Variants in EML4 observed in about 807,000 individuals in gnomAD.
EML4 encodes echinoderm microtubule-associated protein-like 4.
EML4 carries 72 observed loss-of-function variants against 129.0 expected under a neutral mutation model. That is an observed-to-expected ratio of 0.56 (90% CI 0.46 to 0.68). The LOEUF is 0.68. EML4 is among the 30% of genes least tolerant of loss of function. The pLI, the probability that EML4 is intolerant of heterozygous loss-of-function variation, is 0.00. For missense variants in EML4, 1,363 were observed against 1,190.6 expected, an observed-to-expected ratio of 1.14 and a Z score of -2.13; for synonymous variants, 532 against 405.0, an observed-to-expected ratio of 1.31 and a Z score of -3.77.
intron 10 of EML4, among the ~76,000 whole-genome samples, chr2:42,286,726 T>A (rs1667329587): frequency 6.6e-6 from 1 of 152,234 alleles, no homozygotes; most frequent in African/African-American, 2.4e-5. Context: ...TTACCTTGAA[T>A]CATAGAAAAG....
intron 17 of EML4, among the ~76,000 whole-genome samples, chr2:42,309,343 A>G (rs547961496): frequency 6.6e-6 from 1 of 151,606 alleles, no homozygotes; most frequent in Admixed American, 6.6e-5. Context: ...TGGGATGTCA[A>G]GGCTATCATA....
chr2:42,283,435 A>G (rs1667124861), intron 8 of EML4, among the ~76,000 whole-genome samples: 1 of 151,998 alleles, frequency 6.6e-6, no homozygotes, highest in African/African-American at 2.4e-5. Context: ...TCATACTACA[A>G]ATGTGAGAAC....
intron 1 of EML4, among the ~76,000 whole-genome samples, chr2:42,198,254 A>G (rs1179376502): frequency 6.6e-6 from 1 of 152,166 alleles, no homozygotes; most frequent in Non-Finnish European, 1.5e-5. Context: ...ATGTGAATAT[A>G]TATTTATCCT....
intron 1 of EML4, among the ~76,000 whole-genome samples, chr2:42,230,715 T>G (rs896143059): frequency 6.6e-6 from 1 of 152,226 alleles, no homozygotes; most frequent in Non-Finnish European, 1.5e-5. Context: ...CAGCTCAAGC[T>G]CTTTAACCAG....
intron 6 of EML4, among the ~76,000 whole-genome samples, chr2:42,270,348 C>T (rs1469551346): frequency 1.3e-5 from 2 of 152,092 alleles, no homozygotes; most frequent in African/African-American, 4.8e-5. Flanking sequence ...TGCTTGAGCT[C>T]AGGAGTTCAA....
intron 17 of EML4, among the ~76,000 whole-genome samples, chr2:42,315,260 T>C (rs1159435348): frequency 1.3e-5 from 2 of 152,186 alleles, no homozygotes; most frequent in African/African-American, 4.8e-5. Flanking sequence ...TTCCTATGAG[T>C]TCCTCTGTTA....
chr2:42,305,814 TTCTA>T (rs1668566640), intron 17 of EML4, among the ~76,000 whole-genome samples: 2 of 152,334 alleles, frequency 1.3e-5, no homozygotes, highest in South Asian at 4.1e-4. Flanking sequence ...ATATTTTTGT[TTCTA>T]TATAAGACTT....
In EML4 at chr2:42,282,842, G is replaced by C; in HGVS notation, c.811G>C (p.Asp271His). Residue 271 changes from aspartate to histidine, a missense_variant, in exon 8 of 23, where the codon GAC becomes CAC. By Grantham distance (81) the Asp-to-His change is moderately conservative. Coordinates refer to ENST00000318522, the MANE Select transcript of EML4 (RefSeq NM_019063.5). ...GTTAAGATATGGTTATCGAGGAAAG[G>C]ACTGTAGAGCTAATGTTTACCTTCT... ...LEWAYGYRGK[D>H]CRANVYLLPT... 1 of 1,613,112 alleles carries C rather than the reference G, an allele frequency of 6.2e-7. No individual in the cohort carries two copies. The highest frequency in any genetic ancestry group is 8.5e-7 in the Non-Finnish European group (1 of 1,179,350).
chr2:42,325,500 TC>T lies in EML4; in HGVS notation c.2192del (p.Pro731GlnfsTer6). 6.3e-7 allele frequency: 1 copy of T among 1,584,032 alleles called. No homozygotes were observed. Among genetic ancestry groups the T allele is most frequent in the Non-Finnish European group, 8.6e-7 (1 of 1,158,662 alleles). Reference sequence around the variant, plus strand: ...CAGCTACATCACACACCTTGACTGGTCCCCAGACAACAAGTATATAATGTCT... The same window carrying T: ...CAGCTACATCACACACCTTGACTGGTCCCAGACAACAAGTATATAATGTCT... ...HSSYITHLDW[S>X]PDNKYIMSNS... On this transcript the variant is annotated frameshift_variant, in exon 20 of 23. Transcript: ENST00000318522. LOFTEE classifies it high-confidence loss of function.
chr2:42,198,215 AT>A (rs959164498), intron 1 of EML4, among the ~76,000 whole-genome samples: 14 of 150,652 alleles, frequency 9.3e-5, no homozygotes, highest in East Asian at 1.9e-4. Flanking sequence ...TTAAAATTGA[AT>A]TTTTTTTTTC....
chr2:42,190,568 A>G (rs780500111), intron 1 of EML4, among the ~76,000 whole-genome samples: 1 of 152,162 alleles, frequency 6.6e-6, no homozygotes, highest in Non-Finnish European at 1.5e-5. Flanking sequence ...GAAATCAGAT[A>G]GAAGCTATTT....
intron 6 of EML4, among the ~76,000 whole-genome samples, chr2:42,280,304 C>A (rs960349751): frequency 2.0e-5 from 3 of 152,170 alleles, no homozygotes; most frequent in Admixed American, 1.3e-4. Context: ...AAATTATTCT[C>A]AGTTAAGGAA....
intron 2 of EML4, among the ~76,000 whole-genome samples, chr2:42,246,221 C>G (rs1675393326): frequency 6.6e-6 from 1 of 152,152 alleles, no homozygotes; most frequent in Admixed American, 6.5e-5. Flanking sequence ...TTGAGACAAA[C>G]AGTCGTCAAG....
At chr2:42,255,939 G>T (rs1676116590) in intron 2 of EML4, among the ~76,000 whole-genome samples, 1 of 152,152 alleles carries the variant, frequency 6.6e-6, no homozygotes. Context: ...TTGACTCTTA[G>T]TATAGATAGG....
At chr2:42,289,020 C>T (rs375185044) in intron 11 of EML4, 2 of 152,196 alleles carry the variant, frequency 1.3e-5, no homozygotes, top group East Asian at 3.8e-4. Context: ...TCTCCAACTC[C>T]TCTCTTAACA....
At position 42,264,745 on chromosome 2, in the gene EML4, C is replaced by A. The variant is rs983800199; in HGVS notation, c.667+14C>A. On this transcript the variant is annotated intron_variant, in intron 6 of 22. Transcript: ENST00000318522. ...TCATCAACCAAGGTAAATTAAAAAT[C>A]CTTTTAAAAATTTTATTTTGCCCTT... 2 of 1,461,290 alleles carry A rather than the reference C, an allele frequency of 1.4e-6. No homozygotes were observed. The highest frequency in any genetic ancestry group is 9.4e-7 in the Non-Finnish European group (1 of 1,058,626). The allele number at this position is 1,461,290 out of a possible 1,614,324, so 90.5% of individuals were successfully genotyped here.
intron 6 of EML4, among the ~76,000 whole-genome samples, chr2:42,265,823 C>G (rs578100986): frequency 6.6e-6 from 1 of 152,278 alleles, no homozygotes; most frequent in African/African-American, 2.4e-5. Context: ...ATTGTAACTT[C>G]TGGCTACTTG....
At chr2:42,263,069 G>A in intron 4 of EML4, 109 bp from the exon 5 acceptor site, 1 of 894,488 alleles carries the variant, frequency 1.1e-6, no homozygotes, top group Non-Finnish European at 1.7e-6. Flanking sequence ...CTCTTTTCTG[G>A]ATTAGCTTTA....
chr2:42,309,479 T>G (rs1440406466), intron 17 of EML4, among the ~76,000 whole-genome samples: 1 of 151,072 alleles, frequency 6.6e-6, no homozygotes, highest in African/African-American at 2.4e-5. Flanking sequence ...ACTACCAAAC[T>G]TTTTCACAGC....
Sources: gnomAD v4.1 joint callset for allele counts (sites outside exome capture counted in the v4.1 genomes callset) on GRCh38, gnomAD v4.1.1 for gene constraint, MANE v1.5 for transcripts, NCBI Gene and HGNC (gene_info 2026-07-23, HGNC 2026-07-21) for gene names.